DPP6: variants seen among roughly 807,000 people sequenced by gnomAD.
DPP6 encodes the protein A-type potassium channel modulatory protein DPP6.
In DPP6, 69 loss-of-function variants were observed where a neutral mutation model predicts 122.6. That is an observed-to-expected ratio of 0.56 (90% CI 0.46 to 0.69). The LOEUF is 0.69. Ranked by LOEUF, DPP6 falls within the 30% of genes least tolerant of loss-of-function variation. The probability of loss-of-function intolerance (pLI) is 0.00; values close to 1 mark genes in which losing one functional copy is unlikely to be tolerated. For synonymous variants in DPP6, 418 were observed against 433.1 expected (o/e 0.97, Z 0.43); for missense variants, 928 against 1,116.9 (o/e 0.83, Z 2.41).
chr7:154,436,175 C>T (rs6966865), intron 1 of DPP6, among the ~76,000 whole-genome samples: 98,948 of 150,416 alleles, frequency 0.66, 32,747 homozygotes, highest in East Asian at 0.78. Context: ...AGACCAGTGG[C>T]ACGGTCCACG....
In DPP6 at chr7:154,205,129, GT is replaced by G. The variant is rs149960247; in HGVS notation, c.243+152076del. On this transcript the variant is annotated intron_variant, in intron 1 of 25. Coordinates refer to ENST00000377770, the MANE Select transcript of DPP6 (RefSeq NM_130797.4). ...CATTTTAAAGAACAACTTCGATGTG[GT>G]TTTTTTTTTCTGTTTTTTAAATTAA... 4.2e-3 allele frequency among the ~76,000 whole-genome samples: 630 copies of G among 148,996 alleles called. 3 individuals are homozygous for G. The highest frequency in any genetic ancestry group is 0.014 in the African/African-American group (586 of 40,688).
At chr7:154,398,478 C>A (rs2151180427) in intron 1 of DPP6, among the ~76,000 whole-genome samples, 1 of 152,334 alleles carries the variant, frequency 6.6e-6, no homozygotes, top group East Asian at 1.9e-4. Flanking sequence ...CGTGACCAAT[C>A]TGAACACCCT....
chr7:154,115,523 C>A (rs1454566337), intron 1 of DPP6, among the ~76,000 whole-genome samples: 3 of 152,200 alleles, frequency 2.0e-5, no homozygotes, highest in Non-Finnish European at 4.4e-5. Flanking sequence ...AAGCCCAGTG[C>A]AGATTGGCTT....
chr7:153,813,478 A>G, the DPP6 span, among the ~76,000 whole-genome samples: 1 of 152,124 alleles, frequency 6.6e-6, no homozygotes, highest in Admixed American at 6.5e-5. Flanking sequence ...TAGTGCCGCA[A>G]TAAACATACG....
intron 1 of DPP6, among the ~76,000 whole-genome samples, chr7:154,261,942 G>A (rs1431548888): frequency 1.3e-5 from 2 of 152,018 alleles, no homozygotes; most frequent in Non-Finnish European, 2.9e-5. Context: ...CAAAGAGGAG[G>A]TATGGGAGAG....
chr7:153,831,365 T>A, the DPP6 span, among the ~76,000 whole-genome samples: 1 of 151,930 alleles, frequency 6.6e-6, no homozygotes, highest in African/African-American at 2.4e-5. Flanking sequence ...TGTGGCTGAG[T>A]GAAAGGCAGC....
intron 1 of DPP6, among the ~76,000 whole-genome samples, chr7:154,438,302 C>CAA (rs1819047734): frequency 6.6e-6 from 1 of 150,794 alleles, no homozygotes; most frequent in African/African-American, 2.4e-5. Context: ...CCCGTCTCGA[C>CAA]TAAAAAAATA....
chr7:154,837,448 G>A (rs7781942), intron 16 of DPP6, among the ~76,000 whole-genome samples: 2,480 of 152,308 alleles, frequency 0.016, 74 homozygotes, highest in African/African-American at 0.056. Context: ...GTGCATGCAC[G>A]CACACACACG....
At chr7:154,199,450 G>A (rs909560138) in intron 1 of DPP6, among the ~76,000 whole-genome samples, 5 of 152,074 alleles carry the variant, frequency 3.3e-5, no homozygotes, top group African/African-American at 1.2e-4. Context: ...ATTTGCTTAA[G>A]GGACTTTGGG....
the DPP6 span, among the ~76,000 whole-genome samples, chr7:153,871,893 T>G: frequency 5.3e-5 from 8 of 152,358 alleles, no homozygotes; most frequent in African/African-American, 1.7e-4. Flanking sequence ...TTCGTCACTG[T>G]GACTTCATCA....
intron 4 of DPP6, among the ~76,000 whole-genome samples, chr7:154,561,565 C>T (rs1043935905): frequency 3.9e-5 from 6 of 152,082 alleles, no homozygotes; most frequent in African/African-American, 1.2e-4. Flanking sequence ...TCAAAATTTA[C>T]GGTATGCAAC....
intron 1 of DPP6, among the ~76,000 whole-genome samples, chr7:153,975,801 G>T (rs1018925326): frequency 6.6e-6 from 1 of 152,208 alleles, no homozygotes; most frequent in African/African-American, 2.4e-5. Context: ...TAGAGACTTT[G>T]AAGTCAAAAA....
chr7:154,393,777 T>A (rs1435057308), intron 1 of DPP6, among the ~76,000 whole-genome samples: 1 of 152,152 alleles, frequency 6.6e-6, no homozygotes, highest in Non-Finnish European at 1.5e-5. Flanking sequence ...TAGCTGAAAC[T>A]CTGTACTTAC....
intron 1 of DPP6, among the ~76,000 whole-genome samples, chr7:154,385,728 C>T (rs2151153413): frequency 6.6e-6 from 1 of 152,256 alleles, no homozygotes; most frequent in South Asian, 2.1e-4. Context: ...GGATGAATTC[C>T]TCAAAACAGT....
At chr7:154,316,790 A>G (rs1807465732) in intron 1 of DPP6, among the ~76,000 whole-genome samples, 1 of 152,156 alleles carries the variant, frequency 6.6e-6, no homozygotes, top group South Asian at 2.1e-4. Flanking sequence ...TGAATGAGTT[A>G]GTGAAACTGT....
the DPP6 span, among the ~76,000 whole-genome samples, chr7:153,833,127 C>A: frequency 6.6e-6 from 1 of 152,154 alleles, no homozygotes; most frequent in Non-Finnish European, 1.5e-5. Context: ...CATGGCAATG[C>A]GAAAATGTTG....
At chr7:154,801,632 C>T (rs1798373320) in intron 13 of DPP6, among the ~76,000 whole-genome samples, 170 bp downstream of exon 13, 1 of 152,158 alleles carries the variant, frequency 6.6e-6, no homozygotes, top group South Asian at 2.1e-4. Context: ...AGGTTCCCAT[C>T]AGGCCTGGTG....
chr7:154,023,820 G>C (rs3864488), intron 1 of DPP6, among the ~76,000 whole-genome samples: 1 of 152,030 alleles, frequency 6.6e-6, no homozygotes, highest in East Asian at 1.9e-4. Flanking sequence ...GTATTACAAA[G>C]ACCTACACGC....
chr7:154,146,558 C>T lies in DPP6; in HGVS notation c.243+93495C>T, dbSNP rs1429505604. 2.6e-5 allele frequency among the ~76,000 whole-genome samples: 4 copies of T among 152,252 alleles called. No homozygotes were observed. The East Asian group carries it at 7.7e-4, about 29-fold the overall frequency. ...AGCAGCTGGCCAACTGCCCCTTCTC[C>T]AGCAGGTGCTCCCTGCAGGCTTGTG... On this transcript the variant is annotated intron_variant, in intron 1 of 25. Coordinates refer to ENST00000377770, the MANE Select transcript of DPP6 (RefSeq NM_130797.4).
Sources: allele counts gnomAD v4.1 joint callset (sites outside exome capture counted in the v4.1 genomes callset), GRCh38; gene constraint gnomAD v4.1.1; transcripts MANE v1.5; gene names NCBI Gene and HGNC (gene_info 2026-07-23, HGNC 2026-07-21).